Variants in RYR3 observed in about 807,000 individuals in gnomAD.
RYR3 encodes brain ryanodine receptor-calcium release channel.
A neutral mutation model predicts 584.3 loss-of-function variants in RYR3; 207 were observed. The observed-to-expected ratio is 0.35, with a 90% confidence interval of 0.32 to 0.40. The LOEUF is 0.40. Ranked by LOEUF, RYR3 falls within the 10% of genes least tolerant of loss-of-function variation. RYR3 has a pLI of 1.00. For missense variants in RYR3, 5,616 were observed against 6,089.2 expected (o/e 0.92, Z 2.59); for synonymous variants, 2,416 against 2,248.5 (o/e 1.07, Z -2.11).
At chr15:33,501,356 A>G (rs779454877) in intron 2 of RYR3, among the ~76,000 whole-genome samples, 51 of 152,220 alleles carry the variant, frequency 3.4e-4, no homozygotes, top group Non-Finnish European at 1.0e-4. Flanking sequence ...TTAGAATTAC[A>G]TGATGTCATG....
At chr15:33,398,607 G>T (rs554932276) in intron 1 of RYR3, among the ~76,000 whole-genome samples, 2 of 152,216 alleles carry the variant, frequency 1.3e-5, no homozygotes, top group African/African-American at 2.4e-5. Context: ...ATTTCAGGGA[G>T]TTTTGTTTTG....
intron 76 of RYR3, 81 bp from the exon 77 acceptor site, chr15:33,819,675 A>AAGAT (rs1555472901): frequency 1.5e-5 from 10 of 653,898 alleles, no homozygotes; most frequent in Non-Finnish European, 1.9e-5. Context: ...CTCTGTCTCA[A>AAGAT]AAATAAATAA....
At chr15:33,778,191 A>G (rs1172653978) in intron 64 of RYR3, among the ~76,000 whole-genome samples, 1 of 151,788 alleles carries the variant, frequency 6.6e-6, no homozygotes, top group Non-Finnish European at 1.5e-5. Context: ...ATAAATAAAT[A>G]AATAAAGCTA....
Position 33,566,712 on chromosome 15 carries a change from G to T in RYR3, c.1181G>T (p.Gly394Val). Residue 394 changes from glycine (G) to valine (V), a missense_variant, in exon 12 of 104, where the codon GGA becomes GTA. By Grantham distance (109) the Gly-to-Val change is moderately radical. This residue lies in a region of RYR3 where 1,284 missense variants were observed against 1,344.6 expected (regional missense o/e 0.95). Coordinates refer to ENST00000634891, the MANE Select transcript of RYR3 (RefSeq NM_001036.6). The part of the protein sequence containing the change: ...ILHQEGHMDD[G>V]LTLQRCQREE... ...CATCAGGAAGGCCACATGGATGATG[G>T]ATTAACACTGCAGAGATGCCAGCGT... is the stretch of plus-strand genomic sequence containing the variant. 6.2e-7 allele frequency: 1 copy of T among 1,613,766 alleles called. No homozygotes were observed. Among genetic ancestry groups the T allele is most frequent in the Non-Finnish European group, 8.5e-7 (1 of 1,179,706 alleles).
intron 38 of RYR3, among the ~76,000 whole-genome samples, chr15:33,688,857 C>A (rs1010617790): frequency 2.0e-5 from 3 of 152,042 alleles, no homozygotes; most frequent in Admixed American, 1.3e-4. Context: ...CCATTTGATC[C>A]GGCAATCCCA....
At chr15:33,740,821 T>C (rs1444989172) in intron 51 of RYR3, among the ~76,000 whole-genome samples, 1 of 152,250 alleles carries the variant, frequency 6.6e-6, no homozygotes, top group African/African-American at 2.4e-5. Context: ...GGGGACTGTC[T>C]GCTTTGATCA....
chr15:33,461,702 C>T (rs892874097), intron 1 of RYR3, among the ~76,000 whole-genome samples: 2 of 152,188 alleles, frequency 1.3e-5, no homozygotes, highest in Non-Finnish European at 2.9e-5. Flanking sequence ...CTTACAGCAG[C>T]TCAGCCTAGG....
At chr15:33,447,111 C>T (rs16971041) in intron 1 of RYR3, among the ~76,000 whole-genome samples, 5 of 152,072 alleles carry the variant, frequency 3.3e-5, no homozygotes, top group Non-Finnish European at 7.3e-5. Context: ...TTTAGCCTGG[C>T]GTAGTATAAG....
At chr15:33,576,499 A>G (rs1464688825) in intron 12 of RYR3, among the ~76,000 whole-genome samples, 1 of 152,236 alleles carries the variant, frequency 6.6e-6, no homozygotes, top group African/African-American at 2.4e-5. Flanking sequence ...TCACATAAAC[A>G]GAACTAAAGA....
chr15:33,421,385 C>T (rs2044230868), intron 1 of RYR3, among the ~76,000 whole-genome samples: 1 of 152,080 alleles, frequency 6.6e-6, no homozygotes. Flanking sequence ...TTGTATGAAT[C>T]CAGGTGAAAA....
At chr15:33,402,810 C>G (rs1241607440) in intron 1 of RYR3, among the ~76,000 whole-genome samples, 1 of 152,216 alleles carries the variant, frequency 6.6e-6, no homozygotes, top group African/African-American at 2.4e-5. Flanking sequence ...CTTAGCAGGA[C>G]TTGGTGCTAT....
chr15:33,395,374 G>C (rs2042236914), intron 1 of RYR3, among the ~76,000 whole-genome samples: 1 of 152,206 alleles, frequency 6.6e-6, no homozygotes, highest in African/African-American at 2.4e-5. Context: ...TGCTATGTTT[G>C]TGATAGTTTC....
chr15:33,781,862 G>GA (rs1418321746), intron 65 of RYR3, among the ~76,000 whole-genome samples: 3 of 151,758 alleles, frequency 2.0e-5, no homozygotes, highest in South Asian at 2.1e-4. Flanking sequence ...AAAAAAAAGG[G>GA]GGGGGGGATT....
chr15:33,555,905 C>G (rs1420830711), intron 10 of RYR3, among the ~76,000 whole-genome samples: 1 of 152,186 alleles, frequency 6.6e-6, no homozygotes, highest in Non-Finnish European at 1.5e-5. Context: ...AGACTCTTAT[C>G]AATGTCCTGT....
chr15:33,516,476 T>G (rs1222602050), intron 3 of RYR3, among the ~76,000 whole-genome samples: 8 of 151,990 alleles, frequency 5.3e-5, no homozygotes, highest in Non-Finnish European at 8.8e-5. Flanking sequence ...CCCGAGTAGC[T>G]GGGATTACAG....
intron 64 of RYR3, among the ~76,000 whole-genome samples, chr15:33,777,590 T>C (rs192572244): frequency 6.6e-6 from 1 of 152,250 alleles, no homozygotes; most frequent in East Asian, 1.9e-4. Flanking sequence ...AAATGCCCTG[T>C]TGTGGAGCTT....
At position 33,855,576 on chromosome 15, in the gene RYR3, C is replaced by A. The variant is rs141616140; in HGVS notation, c.14007+664C>A. On this transcript the variant is annotated intron_variant, in intron 98 of 103. Coordinates refer to ENST00000634891, the MANE Select transcript of RYR3 (RefSeq NM_001036.6). The stretch of plus-strand genomic sequence containing the variant: ...CCCTGGGGGTTAGCAAGTAGACATA[C>A]TGTACACAGAAAACTCCCCAGGTAT... Among the ~76,000 whole-genome samples the A allele has an allele frequency of 1.2e-3, 185 of 151,564 alleles. 1 individual carries two copies. In the South Asian group the frequency reaches 0.016, roughly 13 times the overall value.
intron 20 of RYR3, among the ~76,000 whole-genome samples, chr15:33,625,511 C>G (rs2060940220): frequency 6.6e-6 from 1 of 152,090 alleles, no homozygotes; most frequent in Non-Finnish European, 1.5e-5. Flanking sequence ...GGAGGAAAAA[C>G]TTTTCTTCTA....
chr15:33,408,704 A>AT (rs2043188499), intron 1 of RYR3, among the ~76,000 whole-genome samples: 1 of 152,192 alleles, frequency 6.6e-6, no homozygotes, highest in South Asian at 2.1e-4. Flanking sequence ...CTAGTGTGAT[A>AT]TGGTATCTCA....
Sources: gnomAD v4.1 joint callset for allele counts (sites outside exome capture counted in the v4.1 genomes callset) on GRCh38, gnomAD v4.1.1 for gene constraint, gnomAD v4.1.1 regional missense constraint, MANE v1.5 for transcripts, NCBI Gene and HGNC (gene_info 2026-07-23, HGNC 2026-07-21) for gene names.